The following DMXL1 variants were observed in gnomAD, a reference collection of about 807,000 sequenced individuals.
DMXL1 encodes the protein dmX-like protein 1.
Under a neutral mutation model 319.2 loss-of-function variants are expected in DMXL1, and 99 were observed. The observed-to-expected ratio is 0.31, with a 90% CI of 0.26 to 0.37. The LOEUF (loss-of-function observed/expected upper bound fraction) is 0.37. Among genes scored for constraint, DMXL1 ranks in the 10% least tolerant of loss-of-function variants. The pLI, the probability that DMXL1 is intolerant of heterozygous loss-of-function variation, is 1.00. For synonymous variants in DMXL1, 1,385 were observed against 1,235.2 expected, an observed-to-expected ratio of 1.12 and a Z score of -2.54; for missense variants, 3,745 against 3,595.6, an observed-to-expected ratio of 1.04 and a Z score of -1.06.
chr5:119,141,943 A>G (rs1767460194), intron 13 of DMXL1, among the ~76,000 whole-genome samples: 1 of 152,074 alleles, frequency 6.6e-6, no homozygotes, highest in Non-Finnish European at 1.5e-5. Context: ...CACAATAGAG[A>G]ATCCAGATAT....
In DMXL1 at chr5:119,081,997, TTATA is replaced by T. The variant is rs144946899; in HGVS notation, c.87+10362_87+10365del. 7.0e-3 allele frequency among the ~76,000 whole-genome samples: 809 copies of T among 116,216 alleles called. 10 individuals carry two copies. The highest frequency in any genetic ancestry group is 0.03 in the South Asian group (91 of 3,058). The allele number at this position is 116,216 out of a possible 152,430, so 76.2% of individuals were successfully genotyped here. ...TTTCCCAGAGGAAGTTTTCTTAAGG[TTATA>T]TATATATATATATATATATACACAC... On this transcript the variant is annotated intron_variant, in intron 1 of 43. Coordinates refer to ENST00000539542, the MANE Select transcript of DMXL1 (RefSeq NM_001290321.3).
In DMXL1 at chr5:119,203,403, A is replaced by G; in HGVS notation, c.7830A>G (p.Lys2610=). The G allele has an allele frequency of 3.1e-6, 5 of 1,605,014 alleles. No homozygotes were observed. Among genetic ancestry groups the G allele is most frequent in the Non-Finnish European group, 4.3e-6 (5 of 1,176,004 alleles). ...AAGAAATTCAGGAAACCTTTATCAA[A>G]AATATATTCACAAAGAAACGGTGTC... ...KQEEIQETFI[K]NIFTKKRCLN... is the part of the protein sequence containing the mutation. Residue 2610 remains lysine (K), a synonymous_variant, in exon 33 of 44, where the codon AAA becomes AAG. Coordinates refer to ENST00000539542, the MANE Select transcript of DMXL1 (RefSeq NM_001290321.3).
rs1783821216 is a variant in DMXL1, at chr5:119,217,058, T to C, written c.8013+71T>C. On this transcript the variant is annotated intron_variant, in intron 35 of 43. Transcript: ENST00000539542. Reference sequence around the variant, plus strand: ...TGGATAATATCTTCTGTTTTATCAGTTTATCCAGTATTTCTTTCCCAAAGC... The same window carrying C: ...TGGATAATATCTTCTGTTTTATCAGCTTATCCAGTATTTCTTTCCCAAAGC... 23 of 893,462 alleles carry C rather than the reference T, an allele frequency of 2.6e-5. No homozygotes were observed. The South Asian group carries it at 4.8e-4, about 19-fold the overall frequency. 55.3% of individuals were successfully genotyped at this position (893,462 alleles called of 1,614,324 possible). A position where few individuals can be genotyped will look rare whatever the true frequency, so the allele number is the denominator to read the frequency against.
At chr5:119,098,130 A>G (rs190770828) in intron 2 of DMXL1, 26 bp downstream of exon 2, 87 of 1,591,730 alleles carry the variant, frequency 5.5e-5, no homozygotes, top group East Asian at 3.6e-4. Context: ...CTAATATACA[A>G]ATTTGTTTGG....
chr5:119,177,606 T>C (rs1776058869), intron 27 of DMXL1, 122 bp downstream of exon 27: 1 of 767,242 alleles, frequency 1.3e-6, no homozygotes, highest in African/African-American at 1.8e-5. Flanking sequence ...TTGATACCAG[T>C]TAAGTATTCA....
chr5:119,145,038 C>A (rs1768212007), intron 15 of DMXL1, among the ~76,000 whole-genome samples: 1 of 151,668 alleles, frequency 6.6e-6, no homozygotes, highest in Non-Finnish European at 1.5e-5. Context: ...TTAATTAATG[C>A]TTTTATAATA....
At chr5:119,085,458 T>C (rs889728177) in intron 1 of DMXL1, among the ~76,000 whole-genome samples, 1 of 152,126 alleles carries the variant, frequency 6.6e-6, no homozygotes, top group African/African-American at 2.4e-5. Flanking sequence ...TGCTCGCCAT[T>C]GGTGAGCATA....
chr5:119,148,885 G>A lies in DMXL1; in HGVS notation c.3058G>A (p.Ala1020Thr). ...GTCAAAGAATGGAAAAATTGATCTT[G>A]CATACATTTGGGAAGAATGGCCATT... Reference protein sequence around the residue: ...ATSKNGKIDLAYIWEEWPLLI... With the variant: ...ATSKNGKIDLTYIWEEWPLLI... Residue 1020 changes from alanine to threonine, a missense_variant, in exon 18 of 44, where the codon GCA becomes ACA. By Grantham distance (58) the Ala-to-Thr change is moderately conservative. Transcript: ENST00000539542. 6.2e-7 allele frequency: 1 copy of A among 1,613,786 alleles called. No homozygotes were observed. The highest frequency in any genetic ancestry group is 8.5e-7 in the Non-Finnish European group (1 of 1,179,806).
intron 2 of DMXL1, among the ~76,000 whole-genome samples, 175 bp downstream of exon 2, chr5:119,098,279 T>G (rs1756435943): frequency 6.6e-6 from 1 of 152,212 alleles, no homozygotes; most frequent in Admixed American, 6.5e-5. Context: ...GAAATTCTCT[T>G]CTTATATAAT....
At chr5:119,177,698 C>T (rs1051376716) in intron 27 of DMXL1, among the ~76,000 whole-genome samples, 3 of 151,998 alleles carry the variant, frequency 2.0e-5, no homozygotes, top group South Asian at 2.1e-4. Context: ...TTTGTAATAC[C>T]GTTTTTTAAA....
At chr5:119,214,033 GT>G (rs1783246277) in intron 34 of DMXL1, among the ~76,000 whole-genome samples, 1 of 151,886 alleles carries the variant, frequency 6.6e-6, no homozygotes, top group South Asian at 2.1e-4. Context: ...TATCTTTCCT[GT>G]CTTTACTCTC....
chr5:119,154,703 C>T (rs1178770019), intron 19 of DMXL1: 1 of 154,078 alleles, frequency 6.5e-6, no homozygotes, highest in African/African-American at 2.4e-5. Context: ...GCATGTTTTC[C>T]AGAGGATCTA....
chr5:119,097,577 C>T (rs868477441), intron 1 of DMXL1, among the ~76,000 whole-genome samples: 10 of 152,068 alleles, frequency 6.6e-5, no homozygotes, highest in African/African-American at 7.2e-5. Flanking sequence ...ACTAGCCGGG[C>T]GTGGTGGTGG....
intron 1 of DMXL1, among the ~76,000 whole-genome samples, chr5:119,095,534 G>T (rs1232757242): frequency 6.6e-6 from 1 of 152,148 alleles, no homozygotes; most frequent in East Asian, 1.9e-4. Flanking sequence ...GATAATTTCA[G>T]GTACAACAAA....
chr5:119,152,602 T>C (rs1434885416), intron 19 of DMXL1, among the ~76,000 whole-genome samples: 1 of 152,236 alleles, frequency 6.6e-6, no homozygotes, highest in African/African-American at 2.4e-5. Context: ...TCTTAGACTT[T>C]GAACTGTCTT....
intron 9 of DMXL1, among the ~76,000 whole-genome samples, chr5:119,125,205 A>G (rs553421452): frequency 2.4e-4 from 37 of 152,358 alleles, no homozygotes; most frequent in South Asian, 6.2e-4. Context: ...ATATGAATAT[A>G]GCTAAATACA....
At chr5:119,139,188 A>G (rs553782340) in intron 13 of DMXL1, among the ~76,000 whole-genome samples, 4,219 of 148,980 alleles carry the variant, frequency 0.028, 183 homozygotes, top group African/African-American at 0.1. Context: ...ACACTTAAAT[A>G]TACACAGACC....
rs965774672 is a variant in DMXL1, at chr5:119,178,005, G to T, written c.6896G>T (p.Cys2299Phe). The change falls in exon 28 of 44, where the codon TGT becomes TTT. Residue 2299 changes from cysteine (C) to phenylalanine (F), a missense_variant. Cys to Phe is a radical substitution (Grantham distance 205, BLOSUM62 -2). This residue lies in a region of DMXL1 where 1,382 missense variants were observed against 1,269.5 expected (regional missense o/e 1.09). Transcript: ENST00000539542. ...TTGTTTGTCGTTCTAGGAATAACTTGTCTAATTCGACTTTTGAATTCTTCT... is the reference window on the plus strand; with the variant it reads ...TTGTTTGTCGTTCTAGGAATAACTTTTCTAATTCGACTTTTGAATTCTTCT... The part of the protein sequence containing the change: ...TSPAQWPGIT[C>F]LIRLLNSSGE... The T allele has an allele frequency of 6.2e-7, 1 of 1,604,460 alleles. No homozygotes were observed. Among genetic ancestry groups the T allele is most frequent in the Non-Finnish European group, 8.5e-7 (1 of 1,174,514 alleles).
chr5:119,136,844 C>CAG (rs1766104182), intron 13 of DMXL1, among the ~76,000 whole-genome samples: 1 of 152,262 alleles, frequency 6.6e-6, no homozygotes, highest in Non-Finnish European at 1.5e-5. Context: ...GATGTTCAGG[C>CAG]AGAGGTCTGC....
Sources: allele counts gnomAD v4.1 joint callset (sites outside exome capture counted in the v4.1 genomes callset), GRCh38; gene constraint gnomAD v4.1.1; regional missense constraint gnomAD v4.1.1; transcripts MANE v1.5; gene names NCBI Gene and HGNC (gene_info 2026-07-23, HGNC 2026-07-21).